AUTS2: variants seen among roughly 807,000 people sequenced by gnomAD.
AUTS2 encodes activator of transcription and developmental regulator AUTS2, also known as autism susceptibility gene 2 protein.
AUTS2 carries 17 observed loss-of-function variants against 112.4 expected under a neutral mutation model. The observed-to-expected ratio is 0.15, with a 90% CI of 0.10 to 0.23. AUTS2 has a LOEUF of 0.23. AUTS2 is among the 10% of genes least tolerant of loss of function. The probability of loss-of-function intolerance (pLI) is 1.00; values close to 1 mark genes in which losing one functional copy is unlikely to be tolerated. For missense variants in AUTS2, 1,510 were observed against 1,701.6 expected (o/e 0.89, Z 1.98); for synonymous variants, 751 against 702.7 (o/e 1.07, Z -1.09).
At chr7:70,146,381 T>C (rs1321919828) in intron 4 of AUTS2, among the ~76,000 whole-genome samples, 1 of 152,150 alleles carries the variant, frequency 6.6e-6, no homozygotes, top group Non-Finnish European at 1.5e-5. Flanking sequence ...TTTACTTATT[T>C]TAATTAACAT....
intron 4 of AUTS2, among the ~76,000 whole-genome samples, chr7:70,246,630 C>A (rs981065394): frequency 6.6e-6 from 1 of 151,788 alleles, no homozygotes; most frequent in Non-Finnish European, 1.5e-5. Flanking sequence ...AATTCAGTCT[C>A]CCTCCCCCAC....
chr7:70,015,444 T>A (rs1799984401), intron 2 of AUTS2, among the ~76,000 whole-genome samples: 1 of 152,218 alleles, frequency 6.6e-6, no homozygotes, highest in Admixed American at 6.5e-5. Flanking sequence ...GAGCTGGAAT[T>A]TAAAAGCAGA....
chr7:70,348,678 C>T (rs1362738994), intron 4 of AUTS2, among the ~76,000 whole-genome samples: 3 of 152,054 alleles, frequency 2.0e-5, no homozygotes, highest in African/African-American at 2.4e-5. Context: ...GGCGAGGTGG[C>T]GGGCGCCTGT....
chr7:70,615,565 C>CGTTGTTG lies in AUTS2; in HGVS notation c.691-83004_691-83003insGTTGTTG, dbSNP rs368083140. ...AAAAAAACCTCTAGAAGATTTATGG[C>CGTTGTTG]TTGTTGTTGTTGTTGTTGTTGTTGT... is the stretch of plus-strand genomic sequence containing the variant. On this transcript the variant is annotated intron_variant, in intron 5 of 18. Transcript: ENST00000342771. Among the ~76,000 whole-genome samples the CGTTGTTG allele has an allele frequency of 1.1e-3, 159 of 148,588 alleles. 2 individuals are homozygous for CGTTGTTG. The highest frequency in any genetic ancestry group is 3.7e-3 in the African/African-American group (151 of 40,294).
intron 4 of AUTS2, among the ~76,000 whole-genome samples, chr7:70,258,449 A>C (rs976776057): frequency 1.3e-5 from 2 of 152,222 alleles, no homozygotes; most frequent in Admixed American, 6.5e-5. Flanking sequence ...TTTCTGAGTT[A>C]GAAATGAATT....
intron 15 of AUTS2, chr7:70,782,098 A>C: frequency 4.0e-6 from 1 of 252,998 alleles, no homozygotes; most frequent in Non-Finnish European, 7.5e-6. Flanking sequence ...GAAGGAAACA[A>C]TGCCAGGAAT....
At chr7:70,411,920 C>CTTT (rs545022866) in intron 4 of AUTS2, among the ~76,000 whole-genome samples, 8 of 130,900 alleles carry the variant, frequency 6.1e-5, no homozygotes, top group African/African-American at 1.1e-4. Flanking sequence ...TTCCTTTTTT[C>CTTT]TTTTTTTTTT....
intron 5 of AUTS2, among the ~76,000 whole-genome samples, chr7:70,689,544 A>T (rs1443422527): frequency 1.3e-5 from 2 of 152,056 alleles, no homozygotes; most frequent in Non-Finnish European, 2.9e-5. Context: ...TGGGAGGCTG[A>T]GGCGGGCAGA....
At chr7:69,978,900 A>ACACACG (rs1389883498) in intron 2 of AUTS2, among the ~76,000 whole-genome samples, 7 of 128,486 alleles carry the variant, frequency 5.4e-5, no homozygotes, top group Admixed American at 3.2e-4. Context: ...ACACACACAC[A>ACACACG]CGCACACACG....
chr7:69,904,416 G>A lies in AUTS2; in HGVS notation c.522+4918G>A, dbSNP rs113767684. On this transcript the variant is annotated intron_variant, in intron 2 of 18. Coordinates refer to ENST00000342771, the MANE Select transcript of AUTS2 (RefSeq NM_015570.4). ...GAAGATCTGCTAATTAGTTTTGGAT[G>A]GAAATCTAGGCCAAAAATCACACAG... Among the ~76,000 whole-genome samples the A allele has an allele frequency of 4.1e-4, 62 of 152,266 alleles. 4 individuals carry two copies. The highest frequency in any genetic ancestry group is 1.4e-3 in the African/African-American group (58 of 41,572).
At chr7:69,667,350 GTT>G (rs58991076) in intron 1 of AUTS2, among the ~76,000 whole-genome samples, 95,057 of 134,902 alleles carry the variant, frequency 0.7, 32,454 homozygotes, top group East Asian at 0.78. Context: ...GTTTTGTTGT[GTT>G]TTTTTTTTTT....
intron 1 of AUTS2, among the ~76,000 whole-genome samples, chr7:69,768,505 T>C (rs1198732818): frequency 6.6e-6 from 1 of 152,186 alleles, no homozygotes; most frequent in African/African-American, 2.4e-5. Context: ...AATGTTGTAT[T>C]TACAGCTTTG....
intron 4 of AUTS2, among the ~76,000 whole-genome samples, chr7:70,368,447 T>C (rs1367740726): frequency 6.6e-6 from 1 of 152,072 alleles, no homozygotes; most frequent in Non-Finnish European, 1.5e-5. Context: ...TCCTGGGTAA[T>C]AGAAGGGAAG....
intron 4 of AUTS2, among the ~76,000 whole-genome samples, chr7:70,142,230 C>G (rs1378155511): frequency 2.0e-5 from 3 of 152,186 alleles, no homozygotes; most frequent in South Asian, 2.1e-4. Flanking sequence ...CCTCCTAACC[C>G]CCATCTCTGG....
rs1051952947 is a variant in AUTS2, at chr7:70,768,051, C to T, written c.1717C>T (p.Pro573Ser). The change falls in exon 10 of 19, where the codon CCA becomes TCA. Residue 573 changes from proline (P) to serine (S), a missense_variant. By Grantham distance (74) the Pro-to-Ser change is moderately conservative (BLOSUM62 -1). Around this residue, in one of 3 missense-constraint regions of AUTS2, gnomAD observed 187 missense variants for 309.7 expected, o/e 0.60. Transcript: ENST00000342771. ...MFDKYPTKVDPFYRHSLFHSY... is the reference protein window; with the variant it reads ...MFDKYPTKVDSFYRHSLFHSY... Reference sequence around the variant, plus strand: ...TGACAAATACCCTACAAAAGTTGACCCATTCTACCGGCACAGTGTGAGTTT... The same window carrying T: ...TGACAAATACCCTACAAAAGTTGACTCATTCTACCGGCACAGTGTGAGTTT... 14 of 1,605,884 alleles carry T rather than the reference C, an allele frequency of 8.7e-6. No individual in the cohort carries two copies. In the Admixed American group the frequency reaches 1.4e-4, roughly 16 times the overall value.
intron 2 of AUTS2, among the ~76,000 whole-genome samples, chr7:70,003,481 A>C (rs1380979640): frequency 2.4e-5 from 3 of 125,316 alleles, no homozygotes; most frequent in Non-Finnish European, 4.6e-5. Flanking sequence ...ATATATGAAT[A>C]TATATAATAT....
chr7:70,373,497 T>C (rs1415440854), intron 4 of AUTS2, among the ~76,000 whole-genome samples: 1 of 152,182 alleles, frequency 6.6e-6, no homozygotes, highest in Admixed American at 6.5e-5. Flanking sequence ...ATTTGCTTGT[T>C]TATAAATGCA....
intron 5 of AUTS2, among the ~76,000 whole-genome samples, chr7:70,676,282 A>C (rs1807907105): frequency 6.6e-6 from 1 of 151,802 alleles, no homozygotes; most frequent in Non-Finnish European, 1.5e-5. Context: ...TCTACCAAAA[A>C]TTAGCCTGGT....
intron 2 of AUTS2, among the ~76,000 whole-genome samples, chr7:70,039,228 G>A (rs986347659): frequency 6.6e-6 from 1 of 152,094 alleles, no homozygotes; most frequent in African/African-American, 2.4e-5. Flanking sequence ...ATTTAACTTA[G>A]TTATAATGGG....
Sources: gnomAD v4.1 joint callset for allele counts (sites outside exome capture counted in the v4.1 genomes callset) on GRCh38, gnomAD v4.1.1 for gene constraint, gnomAD v4.1.1 regional missense constraint, MANE v1.5 for transcripts, NCBI Gene and HGNC (gene_info 2026-07-23, HGNC 2026-07-21) for gene names.